The following NSD1 variants were observed in gnomAD, a reference collection of about 807,000 sequenced individuals.
The protein encoded by NSD1 is histone-lysine N-methyltransferase, H3 lysine-36 specific.
A neutral mutation model predicts 242.7 loss-of-function variants in NSD1; 26 were observed. The ratio of observed to expected loss-of-function variants is 0.11; its 90% CI spans 0.08 to 0.15. NSD1 has a LOEUF of 0.15. Among genes scored for constraint, NSD1 ranks in the 10% least tolerant of loss-of-function variants. NSD1 has a pLI of 1.00. For synonymous variants in NSD1, 1,106 were observed against 1,178.1 expected, an observed-to-expected ratio of 0.94 and a Z score of 1.25; for missense variants, 2,495 against 3,272.8, an observed-to-expected ratio of 0.76 and a Z score of 5.80.
intron 16 of NSD1, among the ~76,000 whole-genome samples, chr5:177,272,049 G>A (rs1304038299): frequency 6.6e-6 from 1 of 152,032 alleles, no homozygotes; most frequent in East Asian, 1.9e-4. Context: ...GCTGGAACCC[G>A]GGAGGCAGAG....
At position 177,211,390 on chromosome 5, in the gene NSD1, C is replaced by T. The variant is rs751017119; in HGVS notation, c.2991C>T (p.Gly997=). ...GCGAGTTGTCTGCTTCCCTACCTGG[C>T]TTACTGTCCGACAAGAGAGACCTCC... ...LSGELSASLP[G]LLSDKRDLPA... Residue 997 remains glycine (G), a synonymous_variant, in exon 5 of 23, where the codon GGC becomes GGT. Transcript: ENST00000439151. The T allele has an allele frequency of 4.3e-6, 7 of 1,614,124 alleles. No homozygotes were observed. The Admixed American group carries it at 8.3e-5, about 19-fold the overall frequency.
rs764164542 is a variant in NSD1, at chr5:177,294,411, A to G, written c.7043A>G (p.Gln2348Arg). Residue 2348 changes from glutamine to arginine, a missense_variant, in exon 23 of 23, where the codon CAA becomes CGA. Gln to Arg is a conservative substitution (Grantham distance 43). This residue lies in a region of NSD1 where 475 missense variants were observed against 563.7 expected (regional missense o/e 0.84). Coordinates refer to ENST00000439151, the MANE Select transcript of NSD1 (RefSeq NM_022455.5). ...SPSSSPSVRS[Q>R]PLERPLGTAD... ...AGCTCCTCACCCTCAGTCAGGTCCC[A>G]ACCACTGGAAAGACCTCTGGGGACG... 57 of 1,614,228 alleles carry G rather than the reference A, an allele frequency of 3.5e-5. No individual in the cohort carries two copies. Among genetic ancestry groups the G allele is most frequent in the Non-Finnish European group, 4.7e-5 (55 of 1,180,044 alleles).
At chr5:177,204,383 T>C in intron 4 of NSD1, 91 bp downstream of exon 4, 1 of 1,232,326 alleles carries the variant, frequency 8.1e-7, no homozygotes, top group Non-Finnish European at 1.2e-6. Flanking sequence ...AGACAGAACT[T>C]TGCTCTGTTT....
chr5:177,155,032 C>T (rs1483236439), intron 2 of NSD1, among the ~76,000 whole-genome samples: 1 of 148,932 alleles, frequency 6.7e-6, no homozygotes, highest in Admixed American at 6.8e-5. Context: ...GTTCTGTTGC[C>T]CAAGTTGGAG....
At chr5:177,145,232 G>A (rs1442948236) in intron 2 of NSD1, among the ~76,000 whole-genome samples, 3 of 149,484 alleles carry the variant, frequency 2.0e-5, no homozygotes, top group African/African-American at 4.9e-5. Context: ...TTCCCTTTTG[G>A]TTAATATGTT....
intron 5 of NSD1, among the ~76,000 whole-genome samples, chr5:177,219,309 C>T (rs753139823): frequency 2.0e-5 from 3 of 151,780 alleles, no homozygotes; most frequent in Admixed American, 1.3e-4. Context: ...CCTCAGCCTC[C>T]CAAGTAGCTG....
chr5:177,293,910 C>G lies in NSD1; in HGVS notation c.6542C>G (p.Ser2181Cys). Reference protein sequence around the residue: ...AASFCEMCPSSFCKQHREGML... With the variant: ...AASFCEMCPSCFCKQHREGML... ...TCCTTCTGTGAGATGTGCCCCAGCT[C>G]CTTTTGTAAGCAGCATCGAGAAGGG... Residue 2181 changes from serine to cysteine, a missense_variant, in exon 23 of 23, where the codon TCC becomes TGC. Ser to Cys is a moderately radical substitution (Grantham distance 112). This residue lies in a region of NSD1 where 33 missense variants were observed against 134.8 expected (regional missense o/e 0.24). Transcript: ENST00000439151. 1 of 1,614,134 alleles carries G rather than the reference C, an allele frequency of 6.2e-7. No individual in the cohort carries two copies. The highest frequency in any genetic ancestry group is 8.5e-7 in the Non-Finnish European group (1 of 1,180,028).
chr5:177,246,583 G>A (rs1766313163), intron 9 of NSD1, 95 bp from the exon 10 acceptor site: 4 of 829,918 alleles, frequency 4.8e-6, no homozygotes, highest in Non-Finnish European at 8.5e-6. Flanking sequence ...AGAATTAAAT[G>A]AGTTTTAAGG....
chr5:177,179,565 C>G (rs1047690934), intron 2 of NSD1, among the ~76,000 whole-genome samples: 40 of 152,216 alleles, frequency 2.6e-4, no homozygotes, highest in African/African-American at 8.9e-4. Context: ...ACACAGAGCA[C>G]AAGTATAAAA....
At chr5:177,131,924 T>A (rs1386241793), upstream of NSD1, among the ~76,000 whole-genome samples, 1 of 152,120 alleles carries the variant, frequency 6.6e-6, no homozygotes, top group Non-Finnish European at 1.5e-5. Flanking sequence ...AGGGACCAGG[T>A]AACTCCTGAG....
chr5:177,137,330 C>T (rs1310568463), intron 2 of NSD1: 1 of 159,578 alleles, frequency 6.3e-6, no homozygotes, highest in African/African-American at 2.4e-5. Flanking sequence ...TGTCTCATAC[C>T]ACATTCAGTT....
chr5:177,136,079 C>A, intron 2 of NSD1, 49 bp downstream of exon 2: 1 of 1,453,864 alleles, frequency 6.9e-7, no homozygotes, highest in Non-Finnish European at 9.6e-7. Context: ...TGTATATATA[C>A]AGGCCACTTA....
At chr5:177,217,713 G>A (rs1226133398) in intron 5 of NSD1, among the ~76,000 whole-genome samples, 2 of 131,020 alleles carry the variant, frequency 1.5e-5, no homozygotes, top group African/African-American at 6.0e-5. Flanking sequence ...TGGTGTCCAT[G>A]ATGGAGTGCA....
chr5:177,235,046 C>T (rs1249773411), intron 5 of NSD1, among the ~76,000 whole-genome samples: 1 of 152,146 alleles, frequency 6.6e-6, no homozygotes, highest in Non-Finnish European at 1.5e-5. Flanking sequence ...TACTTTTTCA[C>T]TGTATTAATG....
intron 2 of NSD1, among the ~76,000 whole-genome samples, chr5:177,179,536 A>G (rs777388256): frequency 4.6e-5 from 7 of 152,128 alleles, no homozygotes; most frequent in Admixed American, 3.9e-4. Context: ...TTAAATTTTT[A>G]TGTTTCCAAA....
intron 5 of NSD1, among the ~76,000 whole-genome samples, chr5:177,227,139 AG>A (rs1764693848): frequency 6.6e-6 from 1 of 152,218 alleles, no homozygotes; most frequent in African/African-American, 2.4e-5. Context: ...ATGGGGATAC[AG>A]ATAAAAATAG....
chr5:177,226,105 G>A (rs986940671), intron 5 of NSD1, among the ~76,000 whole-genome samples: 1 of 152,160 alleles, frequency 6.6e-6, no homozygotes, highest in South Asian at 2.1e-4. Flanking sequence ...GGAGTGTGGT[G>A]GCACAATCTT....
In NSD1 at chr5:177,211,638, G is replaced by A. The variant is rs1490981414; in HGVS notation, c.3239G>A (p.Gly1080Asp). ...GDRERGGSLR[G>D]GAEDPSKEDP... ...CGAGAACGTGGAGGTTCATTGAGAG[G>A]TGGGGCAGAAGATCCTAGTAAAGAG... Residue 1080 changes from glycine (G) to aspartate (D), a missense_variant, in exon 5 of 23, where the codon GGT becomes GAT. This residue lies in a region of NSD1 where 426 missense variants were observed against 411.4 expected (regional missense o/e 1.04). Transcript: ENST00000439151. The A allele has an allele frequency of 1.2e-6, 2 of 1,614,168 alleles. No individual in the cohort carries two copies. Among genetic ancestry groups the A allele is most frequent in the Non-Finnish European group, 1.7e-6 (2 of 1,180,028 alleles).
chr5:177,227,055 G>T (rs954891185), intron 5 of NSD1, among the ~76,000 whole-genome samples: 1 of 152,122 alleles, frequency 6.6e-6, no homozygotes, highest in Non-Finnish European at 1.5e-5. Context: ...AAAATATCCC[G>T]TTAGAGATAC....
Sources: gnomAD v4.1 joint callset for allele counts (sites outside exome capture counted in the v4.1 genomes callset) on GRCh38, gnomAD v4.1.1 for gene constraint, gnomAD v4.1.1 regional missense constraint, MANE v1.5 for transcripts, NCBI Gene and HGNC (gene_info 2026-07-23, HGNC 2026-07-21) for gene names.